Variants in RYR1 observed in about 807,000 individuals in gnomAD.
RYR1 encodes the protein ryanodine receptor 1, also known as central core disease of muscle.
RYR1 carries 342 observed loss-of-function variants against 583.5 expected under a neutral mutation model. The observed-to-expected ratio is 0.59, with a 90% CI of 0.54 to 0.64. The LOEUF is 0.64. RYR1 is among the 30% of genes least tolerant of loss of function. The pLI is 0.00. For missense variants in RYR1, 6,032 were observed against 6,917.2 expected (o/e 0.87, Z 4.54); for synonymous variants, 2,791 against 2,822.5 (o/e 0.99, Z 0.35).
At position 38,500,131 on chromosome 19, in the gene RYR1, C is replaced by T; in HGVS notation, c.7323+115C>T. On this transcript the variant is annotated intron_variant, in intron 45 of 105. Coordinates refer to ENST00000359596, the MANE Select transcript of RYR1 (RefSeq NM_000540.3). This position sits in a 1 kb window ranked among gnomAD's most constrained non-coding sequence, Gnocchi z 5.9. ...GCTCCCATATGTGGGTGGTCCTGGA[C>T]TAGCAATGTTGGGGACACAACAGTG... is the stretch of plus-strand genomic sequence containing the variant. The T allele has an allele frequency of 1.1e-6, 1 of 925,728 alleles. No homozygotes were observed. Among genetic ancestry groups the T allele is most frequent in the Non-Finnish European group, 1.7e-6 (1 of 586,186 alleles). 57.3% of individuals were successfully genotyped at this position (925,728 alleles called of 1,614,324 possible). A position where few individuals can be genotyped will look rare whatever the true frequency, so the allele number is the denominator to read the frequency against.
intron 89 of RYR1, among the ~76,000 whole-genome samples, chr19:38,553,664 A>G (rs1439053508): frequency 6.6e-6 from 1 of 152,104 alleles, no homozygotes; most frequent in Non-Finnish European, 1.5e-5. Context: ...TCAAAAAAAC[A>G]TTTATCAAAA....
intron 60 of RYR1, 59 bp downstream of exon 60, chr19:38,510,840 C>T: frequency 6.2e-7 from 1 of 1,609,280 alleles, no homozygotes; most frequent in Middle Eastern, 1.8e-4. Context: ...TAATCCTTTG[C>T]CCATGGAGGC....
rs1970629991 is a variant in RYR1, at chr19:38,509,456, T to TA, written c.8933-1042_8933-1041insA. ...TATTATTATTATTATTATTATTTTT[T>TA]TTTTTTTTTTTTTTGAGACGGAGTC... On this transcript the variant is annotated intron_variant, in intron 58 of 105. Transcript: ENST00000359596. Among the ~76,000 whole-genome samples the TA allele has an allele frequency of 2.6e-5, 3 of 114,560 alleles. No homozygotes were observed. In the Admixed American group the frequency reaches 2.8e-4, roughly 11 times the overall value. The allele number at this position is 114,560 out of a possible 152,430, so 75.2% of individuals were successfully genotyped here.
Position 38,455,228 on chromosome 19 carries a change from A to G in RYR1, c.1441-7A>G, listed in dbSNP as rs759513354. 1 of 1,613,924 alleles carries G rather than the reference A, an allele frequency of 6.2e-7. No individual in the cohort carries two copies. Among genetic ancestry groups the G allele is most frequent in the Non-Finnish European group, 8.5e-7 (1 of 1,179,966 alleles). On this transcript the variant is annotated splice_region_variant and splice_polypyrimidine_tract_variant and intron_variant, in intron 13 of 105. Transcript: ENST00000359596. Reference sequence around the variant, plus strand: ...TATTGTGATGCCTCTTATTTTCCTCATCCTAGGGGATGCTCTCCATGGTCC... The same window carrying G: ...TATTGTGATGCCTCTTATTTTCCTCGTCCTAGGGGATGCTCTCCATGGTCC...
chr19:38,570,800 A>G lies in RYR1; in HGVS notation c.13746+107A>G, dbSNP rs1973680436. ...GGTTCCTCCACTGAAGGGATAAGGTATTGGGCTTTGGGTCGTTAGGAGGGT... is the reference window on the plus strand; with the variant it reads ...GGTTCCTCCACTGAAGGGATAAGGTGTTGGGCTTTGGGTCGTTAGGAGGGT... On this transcript the variant is annotated intron_variant, in intron 94 of 105. Transcript: ENST00000359596. 4 of 998,586 alleles carry G rather than the reference A, an allele frequency of 4.0e-6. No individual in the cohort carries two copies. The East Asian group carries it at 9.8e-5, about 24-fold the overall frequency. 61.9% of individuals were successfully genotyped at this position (998,586 alleles called of 1,614,324 possible).
intron 1 of RYR1, among the ~76,000 whole-genome samples, chr19:38,435,088 T>G (rs911176483): frequency 6.6e-6 from 1 of 152,232 alleles, no homozygotes; most frequent in Non-Finnish European, 1.5e-5. Context: ...CACTGGCTCT[T>G]GAGCTGTCGC....
chr19:38,565,887 CACGCACCCACGGAGG>C lies in RYR1; in HGVS notation c.13437+126_13437+140del. 4.2e-6 allele frequency: 5 copies of C among 1,177,612 alleles called. No homozygotes were observed. The highest frequency in any genetic ancestry group is 3.2e-5 in the East Asian group (1 of 31,508). 72.9% of individuals were successfully genotyped at this position (1,177,612 alleles called of 1,614,324 possible). ...AGAGAACTGGCTAGGGGGATGGGCA[CACGCACCCACGGAGG>C]ACGCACCCATGGAGGACGCACACGG... On this transcript the variant is annotated intron_variant, in intron 91 of 105. Coordinates refer to ENST00000359596, the MANE Select transcript of RYR1 (RefSeq NM_000540.3). The surrounding 1 kb of genome is among the most constrained non-coding windows in gnomAD (Gnocchi z 4.7).
intron 2 of RYR1, 149 bp from the exon 3 acceptor site, chr19:38,442,200 G>A (rs1237362550): frequency 4.5e-6 from 3 of 660,404 alleles, no homozygotes; most frequent in Non-Finnish European, 8.4e-6. Context: ...GAGGGGGATG[G>A]CAGAGGGCAG....
At chr19:38,523,479 C>T (rs941738872) in intron 69 of RYR1, 170 bp downstream of exon 69, 2 of 699,176 alleles carry the variant, frequency 2.9e-6, no homozygotes, top group African/African-American at 3.5e-5. Flanking sequence ...CCAGCTCCTT[C>T]CTCCTCCTGT....
Position 38,579,159 on chromosome 19 carries a change from G to T in RYR1, c.14365-823G>T, listed in dbSNP as rs1056281237. Among the ~76,000 whole-genome samples the T allele has an allele frequency of 2.0e-4, 30 of 151,984 alleles. 1 individual carries two copies. The highest frequency in any genetic ancestry group is 2.6e-4 in the Admixed American group (4 of 15,224). On this transcript the variant is annotated intron_variant, in intron 99 of 105. Coordinates refer to ENST00000359596, the MANE Select transcript of RYR1 (RefSeq NM_000540.3). ...AGAGTGGCCAGGTGCGGTGGCTCAG[G>T]CCTGTAATCCCAGCACTTTGGGTTG... is the stretch of plus-strand genomic sequence containing the variant.
Position 38,565,408 on chromosome 19 carries a change from C to A in RYR1, c.13074C>A (p.Leu4358=). Residue 4358 remains leucine (L), a synonymous_variant, in exon 91 of 106, where the codon CTC becomes CTA. Coordinates refer to ENST00000359596, the MANE Select transcript of RYR1 (RefSeq NM_000540.3). The surrounding 1 kb of genome is among the most constrained non-coding windows in gnomAD (Gnocchi z 4.7). ...AGAAAGALGL[L]WGSLFGGGLV... ...CGGCGGCGGGCGCGCTGGGCCTGCT[C>A]TGGGGCTCGCTGTTCGGCGGCGGCC... The A allele has an allele frequency of 6.8e-7, 1 of 1,478,392 alleles. No homozygotes were observed. Among genetic ancestry groups the A allele is most frequent in the African/African-American group, 1.5e-5 (1 of 68,194 alleles). 91.6% of individuals were successfully genotyped at this position (1,478,392 alleles called of 1,614,324 possible).
chr19:38,496,145 T>C lies in RYR1; in HGVS notation c.6549-70T>C, dbSNP rs1969809700. ...GAGAGGGTCAAGAATGCCAACGCTG[T>C]CACAGTGGTGGCTATGGCCCTCTCC... On this transcript the variant is annotated intron_variant, in intron 39 of 105. Coordinates refer to ENST00000359596, the MANE Select transcript of RYR1 (RefSeq NM_000540.3). The surrounding 1 kb of genome is among the most constrained non-coding windows in gnomAD (Gnocchi z 4.8). The C allele has an allele frequency of 7.9e-7, 1 of 1,260,144 alleles. No homozygotes were observed. The highest frequency in any genetic ancestry group is 1.5e-5 in the African/African-American group (1 of 68,078). The allele number at this position is 1,260,144 out of a possible 1,614,324, so 78.1% of individuals were successfully genotyped here. A position where few individuals can be genotyped will look rare whatever the true frequency, so the allele number is the denominator to read the frequency against.
intron 93 of RYR1, among the ~76,000 whole-genome samples, chr19:38,569,510 G>T (rs1202633176): frequency 6.6e-6 from 1 of 151,210 alleles, no homozygotes; most frequent in Non-Finnish European, 1.5e-5. Flanking sequence ...AGCTATGGTT[G>T]TGTCACTTCA....
In RYR1 at chr19:38,561,014, C is replaced by T. The variant is rs1428490179; in HGVS notation, c.12283-99C>T. The T allele has an allele frequency of 3.0e-5, 34 of 1,149,302 alleles. No homozygotes were observed. The highest frequency in any genetic ancestry group is 4.3e-5 in the Non-Finnish European group (34 of 798,658). 71.2% of individuals were successfully genotyped at this position (1,149,302 alleles called of 1,614,324 possible). ...TGTGATTGCGCCACTGCACTCCAGC[C>T]TGGGCGACACAGCGAGACCTTGTCT... On this transcript the variant is annotated intron_variant, in intron 89 of 105. Transcript: ENST00000359596. This position sits in a 1 kb window ranked among gnomAD's most constrained non-coding sequence, Gnocchi z 4.8.
intron 76 of RYR1, among the ~76,000 whole-genome samples, 183 bp from the exon 77 acceptor site, chr19:38,532,307 G>C (rs2035766189): frequency 6.6e-6 from 1 of 152,094 alleles, no homozygotes; most frequent in Non-Finnish European, 1.5e-5. Flanking sequence ...ACTTTTAGTA[G>C]AGACGGGGTT....
chr19:38,565,682 G>C lies in RYR1; in HGVS notation c.13348G>C (p.Gly4450Arg). The change falls in exon 91 of 106, where the codon GGG (glycine) becomes CGG (arginine). Residue 4450 changes from glycine to arginine, a missense_variant. By Grantham distance (125) the Gly-to-Arg change is moderately radical. Coordinates refer to ENST00000359596, the MANE Select transcript of RYR1 (RefSeq NM_000540.3). This position sits in a 1 kb window ranked among gnomAD's most constrained non-coding sequence, Gnocchi z 4.7. ...VTDGGPFRPE[G>R]AGGLGDMGDT... The stretch of plus-strand genomic sequence containing the variant: ...CGATGGGGGCCCCTTCCGGCCCGAA[G>C]GGGCTGGCGGTCTCGGGGACATGGG... 7.1e-7 allele frequency: 1 copy of C among 1,398,940 alleles called. No homozygotes were observed. The highest frequency in any genetic ancestry group is 9.2e-7 in the Non-Finnish European group (1 of 1,086,428). The allele number at this position is 1,398,940 out of a possible 1,614,324, so 86.7% of individuals were successfully genotyped here. A position where few individuals can be genotyped will look rare whatever the true frequency, so the allele number is the denominator to read the frequency against.
In RYR1 at chr19:38,473,643, A is replaced by G; in HGVS notation, c.4032A>G (p.Ala1344=). The G allele has an allele frequency of 6.4e-7, 1 of 1,558,440 alleles. No homozygotes were observed. Among genetic ancestry groups the G allele is most frequent in the Non-Finnish European group, 8.7e-7 (1 of 1,151,178 alleles). Residue 1344 remains alanine, a synonymous_variant, in exon 28 of 106, where the codon GCA becomes GCG. Coordinates refer to ENST00000359596, the MANE Select transcript of RYR1 (RefSeq NM_000540.3). ...GCTCAGCTGGGGGCTGGAGCGAGGC[A>G]GAGAACGGCAAAGAAGGGACTGCGA... ...LRRSAGGWSE[A]ENGKEGTAKE... is the part of the protein sequence containing the mutation.
At position 38,575,800 on chromosome 19, in the gene RYR1, C is replaced by T. The variant is rs577571092; in HGVS notation, c.14130-119C>T. ...CCTGGGCAACAGAGTGAGACTCCAT[C>T]TCAAAAAAAAAGGAAAAAGAAAAAC... is the stretch of plus-strand genomic sequence containing the variant. On this transcript the variant is annotated intron_variant, in intron 96 of 105. Transcript: ENST00000359596. 55 of 1,100,402 alleles carry T rather than the reference C, an allele frequency of 5.0e-5. No individual in the cohort carries two copies. In the South Asian group the frequency reaches 6.3e-4, roughly 13 times the overall value. 68.2% of individuals were successfully genotyped at this position (1,100,402 alleles called of 1,614,324 possible).
rs1324289385 is a variant in RYR1, at chr19:38,519,177, G to A, written c.10019-37G>A. On this transcript the variant is annotated intron_variant, in intron 66 of 105. Transcript: ENST00000359596. ...ACGGAGTTTGGGGCCTGTGTCAGAG[G>A]CCGGAGGTGGCATCAGAGCCCATCG... 4.3e-6 allele frequency: 7 copies of A among 1,613,628 alleles called. No homozygotes were observed. The East Asian group carries it at 1.3e-4, about 31-fold the overall frequency.
Sources: allele counts gnomAD v4.1 joint callset (sites outside exome capture counted in the v4.1 genomes callset), GRCh38; gene constraint gnomAD v4.1.1; non-coding constraint Gnocchi (gnomAD v3.1); transcripts MANE v1.5; gene names NCBI Gene and HGNC (gene_info 2026-07-23, HGNC 2026-07-21).